SNTB1: variants seen among roughly 807,000 people sequenced by gnomAD.
SNTB1 encodes the protein beta-1-syntrophin.
Under a neutral mutation model 48.9 loss-of-function variants are expected in SNTB1, and 36 were observed. The ratio of observed to expected loss-of-function variants is 0.74; its 90% CI spans 0.56 to 0.97. The LOEUF (loss-of-function observed/expected upper bound fraction) is 0.97, where lower values mean the gene tolerates loss of function less well. SNTB1 is among the 50% of genes least tolerant of loss of function. SNTB1 has a pLI of 0.00. For synonymous variants in SNTB1, 299 were observed against 294.6 expected (o/e 1.01, Z -0.15); for missense variants, 786 against 703.4 (o/e 1.12, Z -1.33).
chr8:120,652,956 T>C (rs1446343368), intron 2 of SNTB1, among the ~76,000 whole-genome samples: 1 of 152,088 alleles, frequency 6.6e-6, no homozygotes, highest in African/African-American at 2.4e-5. Context: ...TCCCAGTAAA[T>C]CTCTTGGGTT....
chr8:120,797,326 T>C (rs1453901492), intron 1 of SNTB1, among the ~76,000 whole-genome samples: 2 of 152,036 alleles, frequency 1.3e-5, no homozygotes, highest in African/African-American at 2.4e-5. Flanking sequence ...GTTTATAATA[T>C]TTGAAAAGCA....
At chr8:120,662,354 G>A (rs1817602587) in intron 2 of SNTB1, among the ~76,000 whole-genome samples, 1 of 152,180 alleles carries the variant, frequency 6.6e-6, no homozygotes, top group South Asian at 2.1e-4. Flanking sequence ...AAATGCCAAG[G>A]TGCCAGACAA....
At chr8:120,788,768 A>G (rs1487185340) in intron 1 of SNTB1, among the ~76,000 whole-genome samples, 1 of 152,112 alleles carries the variant, frequency 6.6e-6, no homozygotes, top group African/African-American at 2.4e-5. Context: ...ATATGAAAAG[A>G]AATAGTCAGC....
chr8:120,665,185 C>CA (rs1817654257), intron 2 of SNTB1, among the ~76,000 whole-genome samples: 1 of 152,128 alleles, frequency 6.6e-6, no homozygotes, highest in African/African-American at 2.4e-5. Flanking sequence ...GGCATGGTGG[C>CA]TTACACCTGT....
At chr8:120,801,099 G>A (rs1820218296) in intron 1 of SNTB1, among the ~76,000 whole-genome samples, 2 of 152,010 alleles carry the variant, frequency 1.3e-5, no homozygotes, top group African/African-American at 4.8e-5. Context: ...ATGTTATTTT[G>A]ATTTAGAAAA....
In SNTB1 at chr8:120,678,140, A is replaced by G. The variant is rs973842795; in HGVS notation, c.788+15552T>C. 3.5e-4 allele frequency among the ~76,000 whole-genome samples: 53 copies of G among 152,200 alleles called. 4 individuals carry two copies. The highest frequency in any genetic ancestry group is 5.9e-5 in the Non-Finnish European group (4 of 68,036). ...GCGCATAAAGGGTAAGTGATTTGGC[A>G]TTTTAAATGAAAGTAAATTAATGTT... On this transcript the variant is annotated intron_variant, in intron 2 of 6. Transcript: ENST00000517992.
At chr8:120,567,331 A>G (rs1815769124) in intron 4 of SNTB1, among the ~76,000 whole-genome samples, 1 of 152,122 alleles carries the variant, frequency 6.6e-6, no homozygotes, top group African/African-American at 2.4e-5. Context: ...AAGGTTTGCA[A>G]ACCCTAATAG....
At chr8:120,750,662 T>G (rs1819198148) in intron 1 of SNTB1, among the ~76,000 whole-genome samples, 1 of 151,760 alleles carries the variant, frequency 6.6e-6, no homozygotes, top group Non-Finnish European at 1.5e-5. Flanking sequence ...CTGGGGTGTA[T>G]CTGGCCTTCT....
chr8:120,752,501 T>C (rs924734331), intron 1 of SNTB1, among the ~76,000 whole-genome samples: 1 of 152,108 alleles, frequency 6.6e-6, no homozygotes, highest in Non-Finnish European at 1.5e-5. Context: ...ACTATGTTCA[T>C]TGTAGCACCA....
At chr8:120,575,789 C>A (rs2130687477) in intron 3 of SNTB1, among the ~76,000 whole-genome samples, 1 of 152,246 alleles carries the variant, frequency 6.6e-6, no homozygotes, top group East Asian at 1.9e-4. Flanking sequence ...ATTCACCACC[C>A]ATAATTTATT....
At chr8:120,632,747 CT>C (rs1817006131) in intron 2 of SNTB1, 96 bp from the exon 3 acceptor site, 2 of 999,080 alleles carry the variant, frequency 2.0e-6, no homozygotes, top group African/African-American at 1.6e-5. Flanking sequence ...TTTACTCCTT[CT>C]TTTAGACTTT....
At chr8:120,736,100 C>T (rs1036606533) in intron 1 of SNTB1, among the ~76,000 whole-genome samples, 8 of 152,000 alleles carry the variant, frequency 5.3e-5, no homozygotes, top group East Asian at 3.9e-4. Flanking sequence ...CTTCACAAGG[C>T]GGCAGGAAGG....
At position 120,683,245 on chromosome 8, in the gene SNTB1, T is replaced by C. The variant is rs550857108; in HGVS notation, c.788+10447A>G. Among the ~76,000 whole-genome samples the C allele has an allele frequency of 6.6e-5, 10 of 152,214 alleles. No individual in the cohort carries two copies. The South Asian group carries it at 2.1e-3, about 32-fold the overall frequency. On this transcript the variant is annotated intron_variant, in intron 2 of 6. Coordinates refer to ENST00000517992, the MANE Select transcript of SNTB1 (RefSeq NM_021021.4). ...TTATGTTAAATTACACTTGAAAAAA[T>C]AGAATATTGACTTTTGTTGATGATA...
intron 1 of SNTB1, among the ~76,000 whole-genome samples, chr8:120,766,044 T>C (rs1819517576): frequency 6.6e-6 from 1 of 152,222 alleles, no homozygotes; most frequent in African/African-American, 2.4e-5. Context: ...TTTAAAATTA[T>C]TCAGTACTCA....
chr8:120,790,120 C>A (rs1032717200), intron 1 of SNTB1, among the ~76,000 whole-genome samples: 2 of 151,646 alleles, frequency 1.3e-5, no homozygotes, highest in Admixed American at 6.6e-5. Flanking sequence ...ATCACAAGAA[C>A]AATTAAAAAC....
intron 5 of SNTB1, among the ~76,000 whole-genome samples, chr8:120,544,815 A>ATT (rs1815350521): frequency 1.8e-5 from 2 of 111,794 alleles, no homozygotes; most frequent in East Asian, 2.9e-4. Context: ...TTTTTTTGCC[A>ATT]TTCAGAGTAG....
At chr8:120,799,238 C>T (rs1260906934) in intron 1 of SNTB1, among the ~76,000 whole-genome samples, 1 of 151,954 alleles carries the variant, frequency 6.6e-6, no homozygotes, top group Non-Finnish European at 1.5e-5. Context: ...ACTTCTTGCA[C>T]TTAGATCCTC....
At chr8:120,794,023 AG>A (rs1403191907) in intron 1 of SNTB1, among the ~76,000 whole-genome samples, 1 of 152,026 alleles carries the variant, frequency 6.6e-6, no homozygotes, top group Non-Finnish European at 1.5e-5. Context: ...CAATTGGTTT[AG>A]TTATGACAAT....
chr8:120,636,916 G>T (rs1817089461), intron 2 of SNTB1: 1 of 256,890 alleles, frequency 3.9e-6, no homozygotes, highest in South Asian at 7.1e-5. Context: ...GGTGAGCATG[G>T]ACTTCTTAAG....
Sources: gnomAD v4.1 joint callset for allele counts (sites outside exome capture counted in the v4.1 genomes callset) on GRCh38, gnomAD v4.1.1 for gene constraint, MANE v1.5 for transcripts, NCBI Gene and HGNC (gene_info 2026-07-23, HGNC 2026-07-21) for gene names.